The following MTCL1 variants were observed in gnomAD, a reference collection of about 807,000 sequenced individuals.
MTCL1 encodes the protein microtubule crosslinking factor 1.
MTCL1 carries 79 observed loss-of-function variants against 141.4 expected under a neutral mutation model. That is an observed-to-expected ratio of 0.56 (90% CI 0.47 to 0.67). The LOEUF is 0.67. Ranked by LOEUF, MTCL1 falls within the 30% of genes least tolerant of loss-of-function variation. The pLI is 0.00. For synonymous variants in MTCL1, 914 were observed against 875.8 expected (o/e 1.04, Z -0.77); for missense variants, 2,177 against 2,113.9 (o/e 1.03, Z -0.59).
Position 8,784,191 on chromosome 18 carries a change from A to G in MTCL1, c.1079A>G (p.His360Arg), listed in dbSNP as rs568446394. 7.3e-5 allele frequency: 118 copies of G among 1,613,748 alleles called. 3 individuals carry two copies. In the South Asian group the frequency reaches 1.2e-3, roughly 16 times the overall value. ...GTGCTCAAACTGCAGCACGAGAACC[A>G]CGCGCTGCTGTCCAACATCCAGCGC... The change falls in exon 6 of 17, where the codon CAC becomes CGC. Residue 360 changes from histidine to arginine, a missense_variant. Coordinates refer to ENST00000359865, the Ensembl canonical transcript of MTCL1.
chr18:8,761,291 T>C (rs964254975), intron 4 of MTCL1, among the ~76,000 whole-genome samples: 2 of 152,144 alleles, frequency 1.3e-5, no homozygotes, highest in Admixed American at 1.3e-4. Context: ...TTTGGGGTGC[T>C]TATGACTGAA....
chr18:8,829,686 G>C, intron 16 of MTCL1: 2 of 985,318 alleles, frequency 2.0e-6, no homozygotes, highest in Non-Finnish European at 2.4e-6. Flanking sequence ...AGTAGTATCT[G>C]TTGTCAAATA....
chr18:8,783,865 G>T, exon 6 of MTCL1: 1 of 1,613,070 alleles, frequency 6.2e-7, no homozygotes, highest in Non-Finnish European at 8.5e-7. Context: ...GGGAGGGCCC[G>T]GGTCGGGACC....
intron 4 of MTCL1, among the ~76,000 whole-genome samples, chr18:8,774,170 C>T (rs545694163): frequency 6.6e-6 from 1 of 152,178 alleles, no homozygotes; most frequent in African/African-American, 2.4e-5. Flanking sequence ...GGCCATGGTT[C>T]GCCAACTTCT....
chr18:8,831,206 C>T (rs2077181987), intron 16 of MTCL1: 2 of 1,012,938 alleles, frequency 2.0e-6, no homozygotes, highest in Non-Finnish European at 2.4e-6. Context: ...GTTCACTTGT[C>T]CACTGTAGCT....
In MTCL1 at chr18:8,830,586, T is replaced by G. The variant is rs2077165229; in HGVS notation, c.*19-1021T>G. On this transcript the variant is annotated intron_variant, in intron 16 of 16. Transcript: ENST00000359865. This position sits in a 1 kb window ranked among gnomAD's most constrained non-coding sequence, Gnocchi z 6.4. The stretch of plus-strand genomic sequence containing the variant: ...CCTCATCCTGGTCTTTTCAGTTGCT[T>G]GTCACATCTTTTTAAATCCTCCAAC... 3 of 986,012 alleles carry G rather than the reference T, an allele frequency of 3.0e-6. No homozygotes were observed. The highest frequency in any genetic ancestry group is 3.6e-6 in the Non-Finnish European group (3 of 830,358). 61.1% of individuals were successfully genotyped at this position (986,012 alleles called of 1,614,324 possible). A position where few individuals can be genotyped will look rare whatever the true frequency, so the allele number is the denominator to read the frequency against.
chr18:8,784,397 G>T, exon 6 of MTCL1: 3 of 1,527,202 alleles, frequency 2.0e-6, no homozygotes, highest in Non-Finnish European at 2.6e-6. Context: ...GTCGGGCTTC[G>T]GGAGCGGGAA....
At chr18:8,746,622 G>A (rs2096339806) in intron 4 of MTCL1, among the ~76,000 whole-genome samples, 1 of 152,054 alleles carries the variant, frequency 6.6e-6, no homozygotes, top group Non-Finnish European at 1.5e-5. Flanking sequence ...CTTCTTGCAC[G>A]GAAGCCTTCT....
intron 7 of MTCL1, 28 bp downstream of exon 6, chr18:8,786,119 C>CCACA (rs1555655999): frequency 2.0e-5 from 28 of 1,431,246 alleles, no homozygotes; most frequent in Non-Finnish European, 2.6e-5. Flanking sequence ...ATCCCCCCCC[C>CCACA]CCGCCCTCCC....
In MTCL1 at chr18:8,830,856, G is replaced by A. The variant is rs2077172606; in HGVS notation, c.*19-751G>A. On this transcript the variant is annotated intron_variant, in intron 16 of 16. Transcript: ENST00000359865. The surrounding 1 kb of genome is among the most constrained non-coding windows in gnomAD (Gnocchi z 6.4). ...ATTCTTTAAAAACAAAGTAGCTTGA[G>A]AATAAGGATTCTAGGTGATTTGCAC... The A allele has an allele frequency of 1.0e-6, 1 of 985,346 alleles. No individual in the cohort carries two copies. Among genetic ancestry groups the A allele is most frequent in the African/African-American group, 1.7e-5 (1 of 57,242 alleles). 61.0% of individuals were successfully genotyped at this position (985,346 alleles called of 1,614,324 possible).
At chr18:8,706,832 C>G in intron 1 of MTCL1, 119 bp downstream of exon 1, 1 of 1,444,820 alleles carries the variant, frequency 6.9e-7, no homozygotes. Context: ...CTGCTCTCCA[C>G]GGTCCTACCC....
chr18:8,775,452 A>G (rs1056999346), intron 4 of MTCL1, among the ~76,000 whole-genome samples: 3 of 151,406 alleles, frequency 2.0e-5, no homozygotes, highest in Admixed American at 2.0e-4. Flanking sequence ...GCACACCTGT[A>G]ATCCCAGCTA....
intron 5 of MTCL1, among the ~76,000 whole-genome samples, chr18:8,778,516 G>C (rs1334751970): frequency 6.6e-6 from 1 of 152,202 alleles, no homozygotes; most frequent in Non-Finnish European, 1.5e-5. Flanking sequence ...GTAGTAATTA[G>C]AGAGACACAA....
At chr18:8,741,159 G>T (rs2096301052) in intron 4 of MTCL1, among the ~76,000 whole-genome samples, 1 of 151,896 alleles carries the variant, frequency 6.6e-6, no homozygotes, top group African/African-American at 2.4e-5. Flanking sequence ...GGAACACTTT[G>T]AAGTGGGATG....
At chr18:8,744,222 G>A (rs1427806325) in intron 4 of MTCL1, among the ~76,000 whole-genome samples, 1 of 152,242 alleles carries the variant, frequency 6.6e-6, no homozygotes, top group East Asian at 1.9e-4. Flanking sequence ...CTAGCTAGGT[G>A]CATGCGGTTA....
At chr18:8,786,153 T>C in intron 7 of MTCL1, 62 bp downstream of exon 6, 1 of 1,317,080 alleles carries the variant, frequency 7.6e-7, no homozygotes, top group Non-Finnish European at 1.0e-6. Flanking sequence ...TGTGGCTGGC[T>C]GTGTGACGTT....
chr18:8,802,977 A>T (rs1410163241), intron 10 of MTCL1, among the ~76,000 whole-genome samples: 1 of 152,176 alleles, frequency 6.6e-6, no homozygotes, highest in African/African-American at 2.4e-5. Flanking sequence ...TTGATTCTTG[A>T]CTTGATTTGG....
intron 4 of MTCL1, among the ~76,000 whole-genome samples, chr18:8,769,099 A>G (rs1325348260): frequency 6.6e-6 from 1 of 152,168 alleles, no homozygotes; most frequent in Non-Finnish European, 1.5e-5. Context: ...CTGGCCAGGA[A>G]CAGAATATTT....
intron 4 of MTCL1, among the ~76,000 whole-genome samples, chr18:8,735,226 A>G (rs2096269511): frequency 1.3e-5 from 2 of 152,184 alleles, no homozygotes; most frequent in African/African-American, 2.4e-5. Flanking sequence ...TAGCATATGC[A>G]TGAAGGTGGC....
Sources: allele counts gnomAD v4.1 joint callset (sites outside exome capture counted in the v4.1 genomes callset), GRCh38; gene constraint gnomAD v4.1.1; non-coding constraint Gnocchi (gnomAD v3.1); transcripts MANE v1.5; gene names NCBI Gene and HGNC (gene_info 2026-07-23, HGNC 2026-07-21).